Variants in HDAC9 observed in about 807,000 individuals in gnomAD.
HDAC9 encodes MEF-2 interacting transcription repressor (MITR) protein.
In HDAC9, 41 loss-of-function variants were observed where a neutral mutation model predicts 139.4. The observed-to-expected ratio is 0.29, with a 90% confidence interval of 0.23 to 0.38. The LOEUF is 0.38. Ranked by LOEUF, HDAC9 falls within the 10% of genes least tolerant of loss-of-function variation. The pLI, the probability that HDAC9 is intolerant of heterozygous loss-of-function variation, is 1.00. For synonymous variants in HDAC9, 517 were observed against 476.2 expected, an observed-to-expected ratio of 1.09 and a Z score of -1.12; for missense variants, 1,147 against 1,297.0, an observed-to-expected ratio of 0.88 and a Z score of 1.78.
At chr7:18,856,366 A>T (rs1027798784) in intron 21 of HDAC9, among the ~76,000 whole-genome samples, 1 of 152,162 alleles carries the variant, frequency 6.6e-6, no homozygotes, top group African/African-American at 2.4e-5. Flanking sequence ...ATCTATCCCT[A>T]AAAATCAAAA....
At chr7:18,558,694 T>C (rs1365247961) in intron 2 of HDAC9, among the ~76,000 whole-genome samples, 2 of 152,226 alleles carry the variant, frequency 1.3e-5, no homozygotes, top group Non-Finnish European at 2.9e-5. Context: ...TCTGACTCAC[T>C]GACCACCACT....
At chr7:18,613,411 G>A (rs138493845) in intron 6 of HDAC9, among the ~76,000 whole-genome samples, 2,012 of 152,114 alleles carry the variant, frequency 0.013, 51 homozygotes, top group African/African-American at 0.046. Context: ...AGCACATAGA[G>A]CGGATTAAGG....
rs906943304 is a variant in HDAC9, at chr7:18,667,898, G to A, written c.1731+1422G>A. The A allele has an allele frequency of 1.9e-4, 190 of 982,544 alleles. 1 individual carries two copies. The South Asian group carries it at 2.4e-3, about 12-fold the overall frequency. 60.9% of individuals were successfully genotyped at this position (982,544 alleles called of 1,614,324 possible). The stretch of plus-strand genomic sequence containing the variant: ...CTTTTGTTAAGCTAGTTAAAGGTTC[G>A]TTGTATTAAGACCCCTTTAATATGG... On this transcript the variant is annotated intron_variant, in intron 12 of 25. Coordinates refer to ENST00000686413, the MANE Select transcript of HDAC9 (RefSeq NM_178425.4).
At chr7:18,524,838 G>A (rs940970412) in intron 2 of HDAC9, among the ~76,000 whole-genome samples, 2 of 146,702 alleles carry the variant, frequency 1.4e-5, no homozygotes, top group Non-Finnish European at 3.0e-5. Flanking sequence ...TTGGGTAGAC[G>A]ATTTTGAAAT....
chr7:18,959,267 C>A (rs893811832), intron 24 of HDAC9, among the ~76,000 whole-genome samples: 95 of 152,206 alleles, frequency 6.2e-4, no homozygotes, highest in African/African-American at 2.2e-3. Context: ...ACTTTAAGTT[C>A]TAAAAACAAA....
At chr7:18,682,611 T>C (rs6962675) in intron 12 of HDAC9, among the ~76,000 whole-genome samples, 14,444 of 152,048 alleles carry the variant, frequency 0.095, 1,751 homozygotes, top group African/African-American at 0.28. Flanking sequence ...TCCTTTTTTT[T>C]ATAAAGGTCT....
intron 1 of HDAC9, chr7:18,458,981 T>G: frequency 1.9e-6 from 2 of 1,075,388 alleles, no homozygotes; most frequent in Non-Finnish European, 2.7e-6. Flanking sequence ...TTTTCCAGGC[T>G]ATTGGTCAAA....
intron 17 of HDAC9, among the ~76,000 whole-genome samples, chr7:18,800,922 C>T (rs1475427315): frequency 6.6e-6 from 1 of 151,984 alleles, no homozygotes; most frequent in Non-Finnish European, 1.5e-5. Flanking sequence ...ATTTTAGTGG[C>T]ATCTTATTAC....
chr7:18,926,942 T>C (rs954044142), intron 22 of HDAC9, among the ~76,000 whole-genome samples: 1 of 152,190 alleles, frequency 6.6e-6, no homozygotes, highest in African/African-American at 2.4e-5. Context: ...AATAAGCCAA[T>C]TGAAAGATTT....
intron 1 of HDAC9, among the ~76,000 whole-genome samples, chr7:18,347,982 CTTTTAA>C (rs1456215783): frequency 6.6e-6 from 1 of 152,142 alleles, no homozygotes; most frequent in Non-Finnish European, 1.5e-5. Context: ...TAGATTCTTG[CTTTTAA>C]TTTTAAGAGA....
chr7:18,811,656 T>G (rs1794183278), intron 17 of HDAC9, among the ~76,000 whole-genome samples: 1 of 151,918 alleles, frequency 6.6e-6, no homozygotes, highest in Non-Finnish European at 1.5e-5. Flanking sequence ...TTTTTATCTC[T>G]TCCTACAGTT....
intron 22 of HDAC9, among the ~76,000 whole-genome samples, chr7:18,883,646 C>T (rs1182370988): frequency 1.3e-5 from 2 of 151,980 alleles, no homozygotes; most frequent in African/African-American, 4.8e-5. Context: ...GATGCTCACT[C>T]TCGCCACTTC....
chr7:18,512,783 A>G (rs1801943665), intron 2 of HDAC9, among the ~76,000 whole-genome samples: 1 of 152,222 alleles, frequency 6.6e-6, no homozygotes, highest in South Asian at 2.1e-4. Flanking sequence ...GACAGGATCT[A>G]TGAAGGAACA....
At chr7:18,095,004 G>T (rs1283933284) in intron 1 of HDAC9, among the ~76,000 whole-genome samples, 1 of 152,108 alleles carries the variant, frequency 6.6e-6, no homozygotes, top group Non-Finnish European at 1.5e-5. Flanking sequence ...CCACGGATAT[G>T]TTATGTGAGC....
chr7:18,280,368 T>A (rs984849202), intron 2 of HDAC9, among the ~76,000 whole-genome samples: 1 of 152,098 alleles, frequency 6.6e-6, no homozygotes, highest in African/African-American at 2.4e-5. Context: ...GGTGGGCGCA[T>A]CATGAGGTCA....
At chr7:18,514,179 A>G (rs1802462456) in intron 2 of HDAC9, among the ~76,000 whole-genome samples, 1 of 152,214 alleles carries the variant, frequency 6.6e-6, no homozygotes, top group East Asian at 1.9e-4. Context: ...TATACAATGT[A>G]TGTATTACAA....
chr7:18,465,365 T>C (rs1160943827), intron 1 of HDAC9, among the ~76,000 whole-genome samples: 3 of 152,096 alleles, frequency 2.0e-5, no homozygotes, highest in Non-Finnish European at 4.4e-5. Context: ...TTGATATTGC[T>C]TTTTATGTTG....
chr7:18,196,961 G>A lies in HDAC9; in HGVS notation c.25+34612G>A, dbSNP rs182769916. Among the ~76,000 whole-genome samples the A allele has an allele frequency of 2.0e-5, 3 of 152,320 alleles. No individual in the cohort carries two copies. The East Asian group carries it at 5.8e-4, about 29-fold the overall frequency. On this transcript the variant is annotated intron_variant, in intron 2 of 12. Transcript: ENST00000417496. ...ATACTGTGAGGGTGATTTTAGATGA[G>A]GCTGACATTTAAATCAGTAGACTGA... is the stretch of plus-strand genomic sequence containing the variant.
At chr7:18,659,030 A>T (rs1174579531) in intron 11 of HDAC9, among the ~76,000 whole-genome samples, 2 of 152,062 alleles carry the variant, frequency 1.3e-5, no homozygotes, top group African/African-American at 4.8e-5. Context: ...ATAGTTTAAT[A>T]ATCATATTCA....
Sources: gnomAD v4.1 joint callset for allele counts (sites outside exome capture counted in the v4.1 genomes callset) on GRCh38, gnomAD v4.1.1 for gene constraint, MANE v1.5 for transcripts, NCBI Gene and HGNC (gene_info 2026-07-23, HGNC 2026-07-21) for gene names.